Variants in ZFHX3 observed in about 807,000 individuals in gnomAD.
ZFHX3 encodes zinc finger homeobox 3.
A neutral mutation model predicts 279.1 loss-of-function variants in ZFHX3; 42 were observed. That is an observed-to-expected ratio of 0.15 (90% CI 0.12 to 0.19). The LOEUF is 0.19. ZFHX3 is among the 10% of genes least tolerant of loss of function. The pLI is 1.00. For missense variants in ZFHX3, 4,981 were observed against 4,754.0 expected (o/e 1.05, Z -1.40); for synonymous variants, 2,293 against 1,957.8 (o/e 1.17, Z -4.52).
intron 4 of ZFHX3, among the ~76,000 whole-genome samples, chr16:73,304,893 T>A (rs1478331217): frequency 6.6e-6 from 1 of 152,030 alleles, no homozygotes; most frequent in African/African-American, 2.4e-5. Context: ...CCACAATAAA[T>A]AATGCTACCT....
chr16:72,837,101 G>A (rs2037211713), intron 4 of ZFHX3, among the ~76,000 whole-genome samples: 1 of 152,218 alleles, frequency 6.6e-6, no homozygotes, highest in African/African-American at 2.4e-5. Flanking sequence ...TAGGACCGAA[G>A]TGCACCAAGT....
chr16:73,273,609 A>G (rs1286277037), intron 4 of ZFHX3, among the ~76,000 whole-genome samples: 1 of 152,240 alleles, frequency 6.6e-6, no homozygotes, highest in East Asian at 1.9e-4. Context: ...AATAAATCCC[A>G]GAGATGTTTC....
In ZFHX3 at chr16:73,507,485, C is replaced by CTTT. The variant is rs752001880; in HGVS notation, c.-1546-51230_-1546-51228dup. ...AAATGCGTGAAATTCAGCTCTGCCA[C>CTTT]TTTTTTTTTTTTTTTTTTTTTTTTT... On this transcript the variant is annotated intron_variant, in intron 2 of 17. Transcript: ENST00000641206. Among the ~76,000 whole-genome samples, 484 of 79,790 alleles carry CTTT rather than the reference C, an allele frequency of 6.1e-3. 59 individuals are homozygous for CTTT. Among genetic ancestry groups the CTTT allele is most frequent in the African/African-American group, 0.026 (428 of 16,276 alleles). The allele number at this position is 79,790 out of a possible 152,430, so 52.3% of individuals were successfully genotyped here.
At chr16:73,545,887 C>A (rs78099988) in intron 2 of ZFHX3, among the ~76,000 whole-genome samples, 82 of 152,178 alleles carry the variant, frequency 5.4e-4, no homozygotes, top group African/African-American at 1.9e-3. Context: ...CAAGATATTG[C>A]AGGGGACAAA....
chr16:72,951,028 G>A (rs1310224833), intron 2 of ZFHX3, 63 bp from the exon 3 acceptor site: 2 of 1,562,128 alleles, frequency 1.3e-6, no homozygotes, highest in African/African-American at 1.4e-5. Context: ...CACAGCTGAG[G>A]CACCCCCCAG....
chr16:73,258,442 C>A (rs1052688145), intron 4 of ZFHX3, among the ~76,000 whole-genome samples: 5 of 151,898 alleles, frequency 3.3e-5, no homozygotes, highest in African/African-American at 4.8e-5. Flanking sequence ...CTGCACCTCC[C>A]GGGTTCACGC....
chr16:73,258,338 C>CATATATAT lies in ZFHX3; in HGVS notation c.-1193-1210_-1193-1203dup, dbSNP rs59013847. On this transcript the variant is annotated intron_variant, in intron 4 of 17. Transcript: ENST00000641206. ...ATCGTTCCCTATTATTTTGCTATGA[C>CATATATAT]ATATATATATATATATATATTTGTT... 1.7e-3 allele frequency among the ~76,000 whole-genome samples: 214 copies of CATATATAT among 124,950 alleles called. 6 individuals are homozygous for CATATATAT. The highest frequency in any genetic ancestry group is 5.6e-3 in the African/African-American group (194 of 34,926). The allele number at this position is 124,950 out of a possible 152,430, so 82.0% of individuals were successfully genotyped here. A position where few individuals can be genotyped will look rare whatever the true frequency, so the allele number is the denominator to read the frequency against.
chr16:73,586,036 C>T (rs1014955764), intron 2 of ZFHX3, among the ~76,000 whole-genome samples: 6 of 151,912 alleles, frequency 3.9e-5, no homozygotes, highest in Admixed American at 3.3e-4. Flanking sequence ...TAAGAAAATT[C>T]TAAACTAAGA....
chr16:73,156,231 CAA>C (rs60993308), intron 5 of ZFHX3, among the ~76,000 whole-genome samples: 7,504 of 88,366 alleles, frequency 0.085, 390 homozygotes, highest in African/African-American at 0.23. Context: ...GACTCCCTCT[CAA>C]AAAAAAAAAA....
chr16:73,312,788 T>C (rs1306411955), intron 4 of ZFHX3, among the ~76,000 whole-genome samples: 1 of 152,240 alleles, frequency 6.6e-6, no homozygotes, highest in Non-Finnish European at 1.5e-5. Context: ...AGCTAGTTAA[T>C]GTATCAGATT....
chr16:73,157,084 T>A (rs539632995), intron 5 of ZFHX3, among the ~76,000 whole-genome samples: 15 of 152,134 alleles, frequency 9.9e-5, no homozygotes, highest in Admixed American at 5.2e-4. Flanking sequence ...GCCACGTTTC[T>A]AAAGCGCACT....
chr16:73,563,210 G>C (rs2020400062), intron 2 of ZFHX3, among the ~76,000 whole-genome samples: 1 of 71,150 alleles, frequency 1.4e-5, no homozygotes, highest in South Asian at 3.7e-4. Context: ...GTGTGTGTGT[G>C]TGTGTGTGTG....
intron 3 of ZFHX3, among the ~76,000 whole-genome samples, chr16:73,431,916 T>C (rs2017918253): frequency 6.6e-6 from 1 of 152,106 alleles, no homozygotes; most frequent in South Asian, 2.1e-4. Flanking sequence ...GGGACTCTAG[T>C]TTCATCCCCG....
At chr16:73,775,418 C>G (rs1597109643) in intron 1 of ZFHX3, among the ~76,000 whole-genome samples, 1 of 152,110 alleles carries the variant, frequency 6.6e-6, no homozygotes, top group East Asian at 1.9e-4. Context: ...AAAAGAAATA[C>G]TATGGGTTTA....
At chr16:72,936,411 C>G (rs1398367326) in intron 3 of ZFHX3, among the ~76,000 whole-genome samples, 1 of 152,196 alleles carries the variant, frequency 6.6e-6, no homozygotes, top group African/African-American at 2.4e-5. Context: ...AATTAATGAA[C>G]AGACAAGAAA....
intron 2 of ZFHX3, among the ~76,000 whole-genome samples, chr16:73,628,730 C>A (rs1056743480): frequency 1.3e-5 from 2 of 152,162 alleles, no homozygotes; most frequent in African/African-American, 4.8e-5. Context: ...CTTTCCATTG[C>A]GTTTATGTTC....
In ZFHX3 at chr16:72,794,222, T is replaced by C; in HGVS notation, c.8460A>G (p.Ser2820=). The change falls in exon 9 of 10, where the codon TCA becomes TCG. Residue 2820 remains serine, a synonymous_variant. Transcript: ENST00000268489. This position sits in a 1 kb window ranked among gnomAD's most constrained non-coding sequence, Gnocchi z 4.2. ...IEDFESPSMS[S]VNLNFDQTKL... ...TAGTTTGGTCAAAGTTTAGATTAAC[T>C]GAGGACATGGAGGGGCTTTCAAAGT... 1 of 1,614,204 alleles carries C rather than the reference T, an allele frequency of 6.2e-7. No homozygotes were observed. Among genetic ancestry groups the C allele is most frequent in the South Asian group, 1.1e-5 (1 of 91,080 alleles).
At chr16:73,773,613 G>A (rs2054044903) in intron 1 of ZFHX3, among the ~76,000 whole-genome samples, 1 of 152,224 alleles carries the variant, frequency 6.6e-6, no homozygotes, top group African/African-American at 2.4e-5. Flanking sequence ...GACAGAGAGA[G>A]GGCCATCCGG....
chr16:73,844,654 G>A (rs996406231), intron 1 of ZFHX3, among the ~76,000 whole-genome samples: 4 of 151,976 alleles, frequency 2.6e-5, no homozygotes, highest in African/African-American at 9.7e-5. Flanking sequence ...AGGATGGACA[G>A]ACTGACAGGA....
Sources: gnomAD v4.1 joint callset for allele counts (sites outside exome capture counted in the v4.1 genomes callset) on GRCh38, gnomAD v4.1.1 for gene constraint, Gnocchi (gnomAD v3.1) non-coding constraint, MANE v1.5 for transcripts, NCBI Gene and HGNC (gene_info 2026-07-23, HGNC 2026-07-21) for gene names.